POLR3B: variants seen among roughly 807,000 people sequenced by gnomAD.
The protein encoded by POLR3B is DNA-directed RNA polymerase III subunit RPC2.
In POLR3B, 96 loss-of-function variants were observed where a neutral mutation model predicts 147.4. That is an observed-to-expected ratio of 0.65 (90% CI 0.55 to 0.77). POLR3B has a LOEUF of 0.77. POLR3B is among the 30% of genes least tolerant of loss of function. POLR3B has a pLI of 0.00. For missense variants in POLR3B, 1,036 were observed against 1,413.5 expected, an observed-to-expected ratio of 0.73 and a Z score of 4.28; for synonymous variants, 461 against 485.9, an observed-to-expected ratio of 0.95 and a Z score of 0.67.
chr12:106,501,681 A>G (rs1052519689), intron 26 of POLR3B, among the ~76,000 whole-genome samples: 3 of 152,208 alleles, frequency 2.0e-5, no homozygotes, highest in African/African-American at 4.8e-5. Context: ...TCCTAACACA[A>G]CTATTTACTG....
Position 106,509,563 on chromosome 12 carries a change from GATT to G in POLR3B, c.*19_*21del. 1 of 1,607,262 alleles carries G rather than the reference GATT, an allele frequency of 6.2e-7. No homozygotes were observed. The highest frequency in any genetic ancestry group is 8.5e-7 in the Non-Finnish European group (1 of 1,174,538). ...TACAATGAATGAGGATGGAAAAAATGATTATTAAAGAGAACAAGTGATACATCC... is the reference window on the plus strand; with the variant it reads ...TACAATGAATGAGGATGGAAAAAATGATTAAAGAGAACAAGTGATACATCC... On this transcript the variant is annotated 3_prime_UTR_variant, in exon 28 of 28. Transcript: ENST00000228347.
chr12:106,370,874 C>T (rs992925338), intron 6 of POLR3B, among the ~76,000 whole-genome samples: 11 of 152,060 alleles, frequency 7.2e-5, no homozygotes, highest in South Asian at 2.1e-4. Context: ...TCAGGTGATC[C>T]GCCCGCCTTG....
intron 24 of POLR3B, 101 bp from the exon 25 acceptor site, chr12:106,496,651 G>T: frequency 1.0e-6 from 1 of 982,870 alleles, no homozygotes. Flanking sequence ...ATTTATTACT[G>T]TTATTAATAG....
At chr12:106,367,292 A>G (rs2036547541) in intron 4 of POLR3B, among the ~76,000 whole-genome samples, 2 of 152,254 alleles carry the variant, frequency 1.3e-5, no homozygotes, top group Non-Finnish European at 2.9e-5. Context: ...AGTAGTACAA[A>G]GAATTCTTCA....
At position 106,457,551 on chromosome 12, in the gene POLR3B, T is replaced by G. The variant is rs149363791; in HGVS notation, c.2452+255T>G. 1.0e-3 allele frequency among the ~76,000 whole-genome samples: 154 copies of G among 152,326 alleles called. 1 individual carries two copies. The East Asian group carries it at 0.014, about 14-fold the overall frequency. Reference sequence around the variant, plus strand: ...ATTTTGAATAATAGAAAAGCCACTTTAAGGAAATATTTAGAGTAGTTTATG... The same window carrying G: ...ATTTTGAATAATAGAAAAGCCACTTGAAGGAAATATTTAGAGTAGTTTATG... On this transcript the variant is annotated intron_variant, in intron 21 of 27. Transcript: ENST00000228347.
intron 25 of POLR3B, among the ~76,000 whole-genome samples, chr12:106,498,990 G>T (rs182163969): frequency 6.6e-5 from 10 of 152,326 alleles, no homozygotes; most frequent in Non-Finnish European, 1.5e-4. Context: ...GATTGAAATT[G>T]TTAAAGCCTC....
At position 106,464,324 on chromosome 12, in the gene POLR3B, AC is replaced by A. The variant is rs1194155027; in HGVS notation, c.2713+705del. 3.3e-5 allele frequency among the ~76,000 whole-genome samples: 5 copies of A among 152,324 alleles called. No individual in the cohort carries two copies. In the East Asian group the frequency reaches 9.7e-4, roughly 29 times the overall value. On this transcript the variant is annotated intron_variant, in intron 23 of 27. Transcript: ENST00000228347. ...TTAGCTTTAAGAAGAACAACAGCTAACACTTTTGTAGCACTAACTGTGTGCC... is the reference window on the plus strand; with the variant it reads ...TTAGCTTTAAGAAGAACAACAGCTAAACTTTTGTAGCACTAACTGTGTGCC...
intron 23 of POLR3B, 153 bp from the exon 24 acceptor site, chr12:106,495,902 G>A (rs918850147): frequency 2.3e-5 from 17 of 738,488 alleles, no homozygotes; most frequent in Admixed American, 5.4e-5. Flanking sequence ...AAGCAGGATT[G>A]TTGAAAATCA....
At chr12:106,477,493 C>G (rs2137053126) in intron 23 of POLR3B, among the ~76,000 whole-genome samples, 1 of 149,008 alleles carries the variant, frequency 6.7e-6, no homozygotes, top group South Asian at 2.2e-4. Context: ...TGATCTCAGA[C>G]TGCTGTGCTA....
chr12:106,479,356 T>C (rs554637411), intron 23 of POLR3B, among the ~76,000 whole-genome samples: 1 of 152,172 alleles, frequency 6.6e-6, no homozygotes, highest in South Asian at 2.1e-4. Context: ...AATTAAATGT[T>C]TAAAGTTAAT....
chr12:106,405,732 C>A (rs1593022973), intron 10 of POLR3B, 125 bp from the exon 11 acceptor site: 2 of 882,436 alleles, frequency 2.3e-6, no homozygotes, highest in East Asian at 2.4e-5. Context: ...TCAACTAGAC[C>A]CAGTACAGCT....
rs555247735 is a variant in POLR3B at position 106,477,827 on chromosome 12, CGTCG to C, written c.2713+14208_2713+14211del. On this transcript the variant is annotated intron_variant, in intron 23 of 27. Transcript: ENST00000228347. ...AAATGCAGAAATCACCCGTCTTCTG[CGTCG>C]CTCACGGGCTGGGAGCTGTAGACGG... Among the ~76,000 whole-genome samples, 255 of 147,790 alleles carry C rather than the reference CGTCG, an allele frequency of 1.7e-3. 2 individuals carry two copies. The highest frequency in any genetic ancestry group is 5.9e-3 in the African/African-American group (241 of 40,524).
At position 106,430,442 on chromosome 12, in the gene POLR3B, T is replaced by C. The variant is rs1371873807; in HGVS notation, c.1433T>C (p.Met478Thr). The change falls in exon 14 of 28, where the codon ATG becomes ACG. Residue 478 changes from methionine (M) to threonine (T), a missense_variant. Transcript: ENST00000228347. ...PRSLQPSQWG[M>T]LCPSDTPEGE... ...TCCCTCCAGCCATCTCAGTGGGGAA[T>C]GCTGTGTCCTTCGGACACTCCTGAA... is the stretch of plus-strand genomic sequence containing the variant. 6.2e-7 allele frequency: 1 copy of C among 1,613,188 alleles called. No individual in the cohort carries two copies. The highest frequency in any genetic ancestry group is 8.5e-7 in the Non-Finnish European group (1 of 1,179,830).
In POLR3B at chr12:106,388,117, A is replaced by T. The variant is rs1453096144; in HGVS notation, c.724-4914A>T. Among the ~76,000 whole-genome samples the T allele has an allele frequency of 2.0e-5, 3 of 152,164 alleles. No individual in the cohort carries two copies. The South Asian group carries it at 6.2e-4, about 32-fold the overall frequency. ...CTGAATATGATGGAGAAAGCTTTTA[A>T]GACATAGATCAGCCTTATTTATGGA... On this transcript the variant is annotated intron_variant, in intron 9 of 27. Coordinates refer to ENST00000228347, the MANE Select transcript of POLR3B (RefSeq NM_018082.6).
intron 18 of POLR3B, among the ~76,000 whole-genome samples, chr12:106,440,075 T>C (rs1445168163): frequency 6.6e-6 from 1 of 152,056 alleles, no homozygotes; most frequent in Non-Finnish European, 1.5e-5. Context: ...AATATAGATA[T>C]AGATATGTAT....
At chr12:106,509,338 A>G in intron 27 of POLR3B, 82 bp from the exon 28 acceptor site, 4 of 1,373,790 alleles carry the variant, frequency 2.9e-6, no homozygotes, top group Non-Finnish European at 4.1e-6. Flanking sequence ...ATAGAACTTT[A>G]TAGAGACCAT....
rs777828862 is a variant in POLR3B, at chr12:106,413,344, G to C, written c.1101+2384G>C. 2.2e-4 allele frequency among the ~76,000 whole-genome samples: 34 copies of C among 152,208 alleles called. 1 individual carries two copies. The highest frequency in any genetic ancestry group is 3.4e-3 in the Middle Eastern group (1 of 294). On this transcript the variant is annotated intron_variant, in intron 12 of 27. Coordinates refer to ENST00000228347, the MANE Select transcript of POLR3B (RefSeq NM_018082.6). ...TATTTATTATGTGTCACCATTTGGTGGTGGAGATATTTATTATCTCCCATC... is the reference window on the plus strand; with the variant it reads ...TATTTATTATGTGTCACCATTTGGTCGTGGAGATATTTATTATCTCCCATC...
intron 9 of POLR3B, among the ~76,000 whole-genome samples, chr12:106,383,526 G>A (rs979552086): frequency 6.6e-5 from 10 of 152,000 alleles, no homozygotes; most frequent in Non-Finnish European, 1.5e-5. Flanking sequence ...TTTCACTATT[G>A]TTGTGTCTCA....
At chr12:106,478,082 T>A (rs1313162847) in intron 23 of POLR3B, among the ~76,000 whole-genome samples, 1 of 151,752 alleles carries the variant, frequency 6.6e-6, no homozygotes, top group Non-Finnish European at 1.5e-5. Context: ...ATTTTTAGTA[T>A]TCTTAGTAGA....
Sources: allele counts gnomAD v4.1 joint callset (sites outside exome capture counted in the v4.1 genomes callset), GRCh38; gene constraint gnomAD v4.1.1; transcripts MANE v1.5; gene names NCBI Gene and HGNC (gene_info 2026-07-23, HGNC 2026-07-21).